CLMP: variants seen among roughly 807,000 people sequenced by gnomAD.
CLMP encodes CXADR-like membrane protein.
A neutral mutation model predicts 45.2 loss-of-function variants in CLMP; 27 were observed. The ratio of observed to expected loss-of-function variants is 0.60; its 90% CI spans 0.44 to 0.82. The LOEUF (loss-of-function observed/expected upper bound fraction) is 0.82. Among genes scored for constraint, CLMP ranks in the 40% least tolerant of loss-of-function variants. The pLI, the probability that CLMP is intolerant of heterozygous loss-of-function variation, is 0.00. For synonymous variants in CLMP, 167 were observed against 171.4 expected, an observed-to-expected ratio of 0.97 and a Z score of 0.20; for missense variants, 403 against 448.4, an observed-to-expected ratio of 0.90 and a Z score of 0.91.
intron 1 of CLMP, among the ~76,000 whole-genome samples, chr11:123,185,776 GA>G (rs972976885): frequency 6.6e-6 from 1 of 151,662 alleles, no homozygotes; most frequent in African/African-American, 2.4e-5. Context: ...TTAATGAGGA[GA>G]AAAAATCGCA....
chr11:123,138,717 G>A (rs763353724), intron 1 of CLMP, among the ~76,000 whole-genome samples: 6 of 151,470 alleles, frequency 4.0e-5, no homozygotes, highest in Non-Finnish European at 8.8e-5. Context: ...GCGATGGCAC[G>A]ATCTCAGCTC....
intron 1 of CLMP, among the ~76,000 whole-genome samples, chr11:123,192,429 G>A (rs7948088): frequency 0.028 from 4,331 of 152,238 alleles, 67 homozygotes; most frequent in African/African-American, 0.044. Flanking sequence ...TTCCAGCTTC[G>A]TGCATTCTAC....
chr11:123,168,300 A>G (rs1246823435), intron 1 of CLMP, among the ~76,000 whole-genome samples: 1 of 151,760 alleles, frequency 6.6e-6, no homozygotes, highest in Non-Finnish European at 1.5e-5. Context: ...TACACCCCAG[A>G]GCTGGGGCCA....
intron 1 of CLMP, among the ~76,000 whole-genome samples, chr11:123,110,166 A>G (rs541207196): frequency 3.3e-5 from 5 of 152,240 alleles, no homozygotes; most frequent in African/African-American, 1.2e-4. Flanking sequence ...TCCTTGAAAT[A>G]AGTGGTGTTG....
intron 3 of CLMP, 110 bp from the exon 4 acceptor site, chr11:123,083,957 G>T: frequency 7.8e-7 from 1 of 1,289,604 alleles, no homozygotes; most frequent in South Asian, 1.4e-5. Context: ...ATCTGTTTTG[G>T]TCAACTTTTG....
rs1050860827 is a variant in CLMP, at chr11:123,125,269, C to T, written c.29-27317G>A. 2.6e-5 allele frequency among the ~76,000 whole-genome samples: 4 copies of T among 152,170 alleles called. No homozygotes were observed. The South Asian group carries it at 8.3e-4, about 31-fold the overall frequency. On this transcript the variant is annotated intron_variant, in intron 1 of 6. Coordinates refer to ENST00000448775, the MANE Select transcript of CLMP (RefSeq NM_024769.5). ...TGTTCTGGGCTATGTCCCAAATCTC[C>T]AAGGTCCGCATGTACACTCCTCTGC...
intron 1 of CLMP, chr11:123,136,133 G>T (rs111936593): frequency 4.1e-4 from 258 of 624,292 alleles, no homozygotes; most frequent in African/African-American, 4.1e-3. Flanking sequence ...CAATCTGACG[G>T]CAAGAAAGTC....
intron 1 of CLMP, among the ~76,000 whole-genome samples, chr11:123,113,574 T>C (rs2135493073): frequency 6.6e-6 from 1 of 152,330 alleles, no homozygotes; most frequent in Non-Finnish European, 1.5e-5. Context: ...GCAAACCAGT[T>C]GCCAAGCTGA....
intron 1 of CLMP, among the ~76,000 whole-genome samples, chr11:123,102,661 C>T (rs1431535255): frequency 4.7e-5 from 7 of 150,418 alleles, no homozygotes; most frequent in South Asian, 2.1e-4. Context: ...CTGCAACCTC[C>T]GCCTCCCAGG....
chr11:123,098,883 C>T (rs1346834191), intron 1 of CLMP, among the ~76,000 whole-genome samples: 1 of 151,652 alleles, frequency 6.6e-6, no homozygotes, highest in Admixed American at 6.6e-5. Flanking sequence ...TTAGTAGAGA[C>T]GGGGTTTCAC....
intron 1 of CLMP, among the ~76,000 whole-genome samples, chr11:123,180,089 C>G (rs1861749628): frequency 6.6e-6 from 1 of 152,202 alleles, no homozygotes; most frequent in Non-Finnish European, 1.5e-5. Flanking sequence ...AGTCAGACTG[C>G]CTGGATTCAA....
Position 123,191,143 on chromosome 11 carries a change from C to G in CLMP, c.28+3770G>C, listed in dbSNP as rs557920076. 2.5e-4 allele frequency among the ~76,000 whole-genome samples: 38 copies of G among 152,234 alleles called. No individual in the cohort carries two copies. The South Asian group carries it at 7.9e-3, about 32-fold the overall frequency. On this transcript the variant is annotated intron_variant, in intron 1 of 6. Transcript: ENST00000448775. The stretch of plus-strand genomic sequence containing the variant: ...CAGATTCTACAAAGGGTCTGGGACT[C>G]AAAATTTTAAGAACGATTGATTTAA...
At chr11:123,178,232 A>G (rs1347142573) in intron 1 of CLMP, among the ~76,000 whole-genome samples, 2 of 152,202 alleles carry the variant, frequency 1.3e-5, no homozygotes, top group African/African-American at 2.4e-5. Flanking sequence ...AATGGCCTCC[A>G]TAGCTCAGGC....
chr11:123,175,616 C>A (rs1422825272), intron 1 of CLMP, among the ~76,000 whole-genome samples: 4 of 152,236 alleles, frequency 2.6e-5, no homozygotes, highest in African/African-American at 7.2e-5. Flanking sequence ...AGTCACCACG[C>A]CCAGCTTGCT....
chr11:123,187,304 T>C (rs1861848600), intron 1 of CLMP, among the ~76,000 whole-genome samples: 1 of 152,344 alleles, frequency 6.6e-6, no homozygotes, highest in African/African-American at 2.4e-5. Context: ...TTCCCTGCTG[T>C]TCCCTTGAAG....
intron 1 of CLMP, among the ~76,000 whole-genome samples, chr11:123,179,664 C>T (rs943024875): frequency 1.3e-5 from 2 of 152,166 alleles, no homozygotes; most frequent in African/African-American, 4.8e-5. Context: ...ACCAGTGATC[C>T]GCAGGGGGCA....
At chr11:123,118,973 CTTTCTT>C (rs1860762786) in intron 1 of CLMP, among the ~76,000 whole-genome samples, 2 of 47,762 alleles carry the variant, frequency 4.2e-5, no homozygotes, top group African/African-American at 1.9e-4. Flanking sequence ...TTCTTTCTTT[CTTTCTT>C]TCTTTCTTTC....
intron 1 of CLMP, among the ~76,000 whole-genome samples, chr11:123,175,910 A>G (rs1321485337): frequency 6.6e-6 from 1 of 152,232 alleles, no homozygotes; most frequent in Non-Finnish European, 1.5e-5. Flanking sequence ...AGTTGCCTCA[A>G]GAAATCTTAT....
intron 1 of CLMP, among the ~76,000 whole-genome samples, chr11:123,129,640 T>G (rs1011935051): frequency 7.0e-6 from 1 of 142,112 alleles, no homozygotes; most frequent in Non-Finnish European, 1.5e-5. Context: ...ATATATTATA[T>G]GATATATAGT....
Sources: allele counts gnomAD v4.1 joint callset (sites outside exome capture counted in the v4.1 genomes callset), GRCh38; gene constraint gnomAD v4.1.1; transcripts MANE v1.5; gene names NCBI Gene and HGNC (gene_info 2026-07-23, HGNC 2026-07-21).